The following PCDH11X variants were observed in gnomAD, a reference collection of about 807,000 sequenced individuals.
PCDH11X encodes protocadherin 11 X-linked, also known as protocadherin-11 X-linked.
PCDH11X carries 18 observed loss-of-function variants against 53.3 expected under a neutral mutation model. The observed-to-expected ratio is 0.34, with a 90% CI of 0.23 to 0.50. PCDH11X has a LOEUF of 0.50. Among genes scored for constraint, PCDH11X ranks in the 20% least tolerant of loss-of-function variants. The probability of loss-of-function intolerance (pLI) is 0.98; values close to 1 mark genes in which losing one functional copy is unlikely to be tolerated. For synonymous variants in PCDH11X, 279 were observed against 393.3 expected (o/e 0.71, Z 3.44); for missense variants, 570 against 1,032.4 (o/e 0.55, Z 6.14).
At chrX:92,227,854 C>T (rs1008885686) in intron 7 of PCDH11X, among the ~76,000 whole-genome samples, 2 of 111,257 alleles carry the variant, frequency 1.8e-5, no homozygotes, top group African/African-American at 6.5e-5. Context: ...ACATGAGGAA[C>T]ATTGCTCTAT....
At chrX:92,038,909 C>T (rs2063169775) in intron 6 of PCDH11X, among the ~76,000 whole-genome samples, 1 of 110,722 alleles carries the variant, frequency 9.0e-6, no homozygotes, top group Non-Finnish European at 1.9e-5. Flanking sequence ...ATTATGAGGC[C>T]TCTCCAGCCA....
chrX:92,499,856 A>G (rs1293208454), intron 10 of PCDH11X, among the ~76,000 whole-genome samples: 1 of 106,791 alleles, frequency 9.4e-6, no homozygotes, highest in Admixed American at 1.0e-4. Context: ...AATGAATGAA[A>G]GAAAGAAAGA....
chrX:92,124,405 C>T (rs1280049449), intron 6 of PCDH11X, among the ~76,000 whole-genome samples: 4 of 109,673 alleles, frequency 3.6e-5, no homozygotes, highest in Non-Finnish European at 5.7e-5. Flanking sequence ...ATTAGCTGGA[C>T]GTGGTGGTGC....
chrX:92,591,864 G>A (rs1031582831), intron 10 of PCDH11X, among the ~76,000 whole-genome samples: 1 of 110,570 alleles, frequency 9.0e-6, no homozygotes, highest in African/African-American at 3.3e-5. Context: ...TAAATTCTTG[G>A]GAATCATGGG....
chrX:92,533,886 C>G (rs2074606621), intron 10 of PCDH11X, among the ~76,000 whole-genome samples: 1 of 106,979 alleles, frequency 9.3e-6, no homozygotes, highest in East Asian at 3.0e-4. Flanking sequence ...ACACCAAAAC[C>G]CCATCTGTAG....
rs113063196 is a variant in PCDH11X, at chrX:92,189,716, G to A, written c.3034-11659G>A. ...AGCATTCCTTTTTCTGTGCAACCTC[G>A]CCAGCATCTATTTTTTCTTGATTTT... On this transcript the variant is annotated intron_variant, in intron 6 of 10. Coordinates refer to ENST00000682573, the MANE Select transcript of PCDH11X (RefSeq NM_032968.5). 1.0e-3 allele frequency among the ~76,000 whole-genome samples: 117 copies of A among 111,687 alleles called. 2 individuals are homozygous for A. Among genetic ancestry groups the A allele is most frequent in the African/African-American group, 3.5e-3 (109 of 30,799 alleles).
intron 6 of PCDH11X, among the ~76,000 whole-genome samples, chrX:92,030,032 G>A (rs1219362899): frequency 6.3e-5 from 7 of 111,754 alleles, no homozygotes; most frequent in East Asian, 2.8e-4. Context: ...GCACGATCTC[G>A]GCTCACTACA....
At chrX:92,605,824 T>C (rs1926728277) in intron 10 of PCDH11X, among the ~76,000 whole-genome samples, 1 of 111,195 alleles carries the variant, frequency 9.0e-6, no homozygotes, top group Non-Finnish European at 1.9e-5. Context: ...ACAATCTAAA[T>C]AAGTGAAAAG....
At chrX:92,157,956 T>G in intron 6 of PCDH11X, among the ~76,000 whole-genome samples, 1 of 111,935 alleles carries the variant, frequency 8.9e-6, no homozygotes, top group Non-Finnish European at 1.9e-5. Context: ...AGCTCATGCC[T>G]GTAATCCCAG....
chrX:92,125,148 C>T (rs1293395516), intron 6 of PCDH11X, among the ~76,000 whole-genome samples: 21 of 109,841 alleles, frequency 1.9e-4, no homozygotes, highest in Non-Finnish European at 3.0e-4. Context: ...AGGAACGTTC[C>T]AATCAAATAT....
intron 6 of PCDH11X, among the ~76,000 whole-genome samples, chrX:92,102,128 T>C (rs1423464810): frequency 9.0e-6 from 1 of 110,938 alleles, no homozygotes; most frequent in Non-Finnish European, 1.9e-5. Flanking sequence ...GGAGGCCAGA[T>C]TGAAGTCCCG....
At position 91,981,297 on chromosome X, in the gene PCDH11X, C is replaced by T. The variant is rs1193478768; in HGVS notation, c.3033+102024C>T. Among the ~76,000 whole-genome samples, 3 of 108,941 alleles carry T rather than the reference C, an allele frequency of 2.8e-5. No individual in the cohort carries two copies. In the Admixed American group the frequency reaches 3.0e-4, roughly 11 times the overall value. The allele number at this position is 108,941 out of a possible 115,157, so 94.6% of individuals were successfully genotyped here. A position where few individuals can be genotyped will look rare whatever the true frequency, so the allele number is the denominator to read the frequency against. Reference sequence around the variant, plus strand: ...GAATAAGGAAAAAATGAAGGAGAACCAAGTTCCATCACACTGGTTCCTATC... The same window carrying T: ...GAATAAGGAAAAAATGAAGGAGAACTAAGTTCCATCACACTGGTTCCTATC... On this transcript the variant is annotated intron_variant, in intron 6 of 10. Coordinates refer to ENST00000682573, the MANE Select transcript of PCDH11X (RefSeq NM_032968.5).
rs1050305004 is a variant in PCDH11X at position 91,987,742 on chromosome X, A to G, written c.3033+108469A>G. Among the ~76,000 whole-genome samples the G allele has an allele frequency of 2.7e-5, 3 of 110,941 alleles. No individual in the cohort carries two copies. The Admixed American group carries it at 2.9e-4, about 11-fold the overall frequency. ...AAAAGAGAAACAAAATGTTTGAAAC[A>G]AGTATTACCATGAAGTGACTTTTTT... On this transcript the variant is annotated intron_variant, in intron 6 of 10. Coordinates refer to ENST00000682573, the MANE Select transcript of PCDH11X (RefSeq NM_032968.5).
intron 6 of PCDH11X, among the ~76,000 whole-genome samples, chrX:92,112,983 C>G (rs2064551842): frequency 9.1e-6 from 1 of 109,732 alleles, no homozygotes; most frequent in Non-Finnish European, 1.9e-5. Context: ...TTGCTTAAAA[C>G]TATTTGCAGA....
chrX:92,075,782 C>T (rs193015647), intron 6 of PCDH11X, among the ~76,000 whole-genome samples: 23 of 111,703 alleles, frequency 2.1e-4, no homozygotes, highest in African/African-American at 6.8e-4. Context: ...TAAATCCTCA[C>T]AAAAATTCAG....
In PCDH11X at chrX:91,983,297, G is replaced by A. The variant is rs750112906; in HGVS notation, c.3033+104024G>A. The A allele has an allele frequency of 1.4e-5, 13 of 930,676 alleles. No individual in the cohort carries two copies. In the Admixed American group the frequency reaches 2.0e-4, roughly 14 times the overall value. The allele number at this position is 930,676 out of a possible 1,213,427, so 76.7% of individuals were successfully genotyped here. A position where few individuals can be genotyped will look rare whatever the true frequency, so the allele number is the denominator to read the frequency against. On this transcript the variant is annotated intron_variant, in intron 6 of 10. Coordinates refer to ENST00000682573, the MANE Select transcript of PCDH11X (RefSeq NM_032968.5). ...GTCGGTGTTCTATTTCTCTGTAAAC[G>A]TCAGGCCGTACTCAGTCCATCTGTA...
At chrX:92,157,561 G>A (rs191783018) in intron 6 of PCDH11X, among the ~76,000 whole-genome samples, 28 of 111,679 alleles carry the variant, frequency 2.5e-4, no homozygotes, top group African/African-American at 8.8e-4. Context: ...TTTAAAGCAC[G>A]TCAGGGAAAT....
At position 92,484,199 on chromosome X, in the gene PCDH11X, GTATATATGTA is replaced by G. The variant is rs1172469861; in HGVS notation, c.3367+15893_3367+15902del. ...TATGTATGTATATATATGTATATAT[GTATATATGTA>G]TATATATGTATATATGTATATATGT... On this transcript the variant is annotated intron_variant, in intron 10 of 10. Coordinates refer to ENST00000682573, the MANE Select transcript of PCDH11X (RefSeq NM_032968.5). Among the ~76,000 whole-genome samples the G allele has an allele frequency of 1.0e-3, 68 of 67,824 alleles. No homozygotes were observed. In the South Asian group the frequency reaches 0.013, roughly 13 times the overall value. The allele number at this position is 67,824 out of a possible 115,157, so 58.9% of individuals were successfully genotyped here.
At chrX:92,608,485 G>A (rs952779434) in intron 10 of PCDH11X, among the ~76,000 whole-genome samples, 5 of 109,662 alleles carry the variant, frequency 4.6e-5, no homozygotes, top group South Asian at 3.9e-4. Context: ...ATTATCGTTT[G>A]TCCTATGGTT....
Sources: gnomAD v4.1 joint callset for allele counts (sites outside exome capture counted in the v4.1 genomes callset) on GRCh38, gnomAD v4.1.1 for gene constraint, MANE v1.5 for transcripts, NCBI Gene and HGNC (gene_info 2026-07-23, HGNC 2026-07-21) for gene names.